Variants in SPAG9 observed in about 807,000 individuals in gnomAD.
The protein encoded by SPAG9 is sperm associated antigen 9, also known as C-Jun-amino-terminal kinase-interacting protein 4.
In SPAG9, 35 loss-of-function variants were observed where a neutral mutation model predicts 166.5. The ratio of observed to expected loss-of-function variants is 0.21; its 90% CI spans 0.16 to 0.28. The LOEUF (loss-of-function observed/expected upper bound fraction) is 0.28, where lower values mean the gene tolerates loss of function less well. Ranked by LOEUF, SPAG9 falls within the 10% of genes least tolerant of loss-of-function variation. SPAG9 has a pLI of 1.00. For missense variants in SPAG9, 1,235 were observed against 1,603.3 expected (o/e 0.77, Z 3.92); for synonymous variants, 534 against 565.5 (o/e 0.94, Z 0.79).
chr17:50,975,776 C>T, intron 27 of SPAG9: 1 of 987,044 alleles, frequency 1.0e-6, no homozygotes, highest in East Asian at 2.6e-5. Context: ...TAGGAACATT[C>T]AAGAGGGTAT....
At chr17:51,035,175 G>A (rs1261086700) in intron 5 of SPAG9, among the ~76,000 whole-genome samples, 1 of 152,106 alleles carries the variant, frequency 6.6e-6, no homozygotes, top group Admixed American at 6.6e-5. Flanking sequence ...AAGCAATATG[G>A]GATCCTGGGC....
At chr17:50,992,164 G>C (rs1975628784) in intron 19 of SPAG9, among the ~76,000 whole-genome samples, 1 of 151,688 alleles carries the variant, frequency 6.6e-6, no homozygotes, top group Admixed American at 6.6e-5. Context: ...CTGGGATTAT[G>C]AGTGTGAACC....
chr17:51,037,082 T>C (rs2046615599), intron 5 of SPAG9, among the ~76,000 whole-genome samples: 1 of 152,102 alleles, frequency 6.6e-6, no homozygotes, highest in East Asian at 1.9e-4. Flanking sequence ...CCATTCTCAG[T>C]CTTAGCCCAT....
intron 1 of SPAG9, among the ~76,000 whole-genome samples, chr17:51,097,084 T>C (rs1293278560): frequency 6.6e-6 from 1 of 152,234 alleles, no homozygotes; most frequent in East Asian, 1.9e-4. Flanking sequence ...AATGGTTTCA[T>C]ACCTACGTAG....
rs1375102289 is a variant in SPAG9, at chr17:51,088,069, T to C, written c.304-8365A>G. Among the ~76,000 whole-genome samples, 4 of 152,166 alleles carry C rather than the reference T, an allele frequency of 2.6e-5. No individual in the cohort carries two copies. In the East Asian group the frequency reaches 7.7e-4, roughly 29 times the overall value. The stretch of plus-strand genomic sequence containing the variant: ...CCTGACCCTCTTTTTAAAGTCTTCT[T>C]GATTTACTTCAAAGAAACATGTCTG... On this transcript the variant is annotated intron_variant, in intron 1 of 29. Transcript: ENST00000262013.
chr17:51,108,649 AC>A (rs1196740515), intron 1 of SPAG9, among the ~76,000 whole-genome samples: 2 of 151,536 alleles, frequency 1.3e-5, no homozygotes, highest in Non-Finnish European at 2.9e-5. Context: ...GGTGCATACC[AC>A]CACACTCGGC....
intron 9 of SPAG9, chr17:51,009,086 T>C (rs1489753303): frequency 2.3e-6 from 1 of 441,856 alleles, no homozygotes; most frequent in Non-Finnish European, 4.5e-6. Flanking sequence ...CAAGAACACC[T>C]AGCTTAAAAA....
In SPAG9 at chr17:50,963,950, C is replaced by A. The variant is rs1389692021; in HGVS notation, c.*2322G>T. ...GCAAAAAATTATTCTTTTAATACAG[C>A]TTTTACCAAAACAGTTTTAATACAT... On this transcript the variant is annotated 3_prime_UTR_variant, in exon 30 of 30. Coordinates refer to ENST00000262013, the MANE Select transcript of SPAG9 (RefSeq NM_001130528.3). The A allele has an allele frequency of 6.6e-6, 1 of 152,166 alleles. No individual in the cohort carries two copies. Among genetic ancestry groups the A allele is most frequent in the Non-Finnish European group, 1.5e-5 (1 of 68,022 alleles). The allele number at this position is 152,166 out of a possible 1,614,324, so 9.4% of individuals were successfully genotyped here.
intron 2 of SPAG9, among the ~76,000 whole-genome samples, chr17:51,061,455 C>T (rs2047512820): frequency 6.6e-6 from 1 of 151,654 alleles, no homozygotes; most frequent in Admixed American, 6.6e-5. Context: ...ACTAATACTA[C>T]AAAAATTAGC....
chr17:50,993,274 C>T lies in SPAG9; in HGVS notation c.2398+490G>A, dbSNP rs186709455. On this transcript the variant is annotated intron_variant, in intron 19 of 29. Coordinates refer to ENST00000262013, the MANE Select transcript of SPAG9 (RefSeq NM_001130528.3). ...GAGGTTGCAGTGAGCCGAGATCATG[C>T]CATTGCACTCCAGCCTGGGTGACAG... Among the ~76,000 whole-genome samples the T allele has an allele frequency of 4.8e-5, 7 of 146,678 alleles. No individual in the cohort carries two copies. The East Asian group carries it at 8.0e-4, about 17-fold the overall frequency.
At chr17:51,000,343 A>C (rs1183708148) in intron 13 of SPAG9, among the ~76,000 whole-genome samples, 1 of 152,188 alleles carries the variant, frequency 6.6e-6, no homozygotes, top group Non-Finnish European at 1.5e-5. Context: ...ACTAAATTAA[A>C]AACATTCTTT....
intron 12 of SPAG9, 97 bp downstream of exon 12, chr17:51,005,114 AT>A: frequency 1.0e-6 from 1 of 1,004,632 alleles, no homozygotes; most frequent in Non-Finnish European, 1.5e-6. Flanking sequence ...ACTTTTAAAA[AT>A]CTTTATAGTA....
At chr17:51,108,836 TA>T (rs200428411) in intron 1 of SPAG9, among the ~76,000 whole-genome samples, 9 of 152,032 alleles carry the variant, frequency 5.9e-5, no homozygotes, top group African/African-American at 1.9e-4. Flanking sequence ...TATTTATTTT[TA>T]TTTTTTTTTG....
At position 51,090,489 on chromosome 17, in the gene SPAG9, G is replaced by A. The variant is rs1358296346; in HGVS notation, c.304-10785C>T. ...TGAGCCGAGTCCAGCCTGGGCAACA[G>A]AGCAAGACTCCATCTCAAAAAAAAA... On this transcript the variant is annotated intron_variant, in intron 1 of 29. Coordinates refer to ENST00000262013, the MANE Select transcript of SPAG9 (RefSeq NM_001130528.3). Among the ~76,000 whole-genome samples the A allele has an allele frequency of 2.0e-5, 3 of 152,024 alleles. No individual in the cohort carries two copies. The East Asian group carries it at 5.8e-4, about 29-fold the overall frequency.
intron 1 of SPAG9, among the ~76,000 whole-genome samples, chr17:51,091,091 C>T (rs1168934818): frequency 1.3e-5 from 2 of 151,366 alleles, no homozygotes; most frequent in African/African-American, 2.4e-5. Context: ...ACTCTGTCTC[C>T]ACGAAACCCT....
chr17:51,004,440 A>G (rs955132393), intron 12 of SPAG9, among the ~76,000 whole-genome samples: 1 of 152,228 alleles, frequency 6.6e-6, no homozygotes. Flanking sequence ...AACATTTGTT[A>G]TAAGAATGAT....
intron 19 of SPAG9, among the ~76,000 whole-genome samples, chr17:50,993,095 C>CAAA (rs71149332): frequency 4.0e-5 from 3 of 75,576 alleles, no homozygotes; most frequent in Non-Finnish European, 5.1e-5. Flanking sequence ...GACTCCATCT[C>CAAA]AAAAAAAAAA....
At chr17:51,102,500 T>C (rs914177841) in intron 1 of SPAG9, among the ~76,000 whole-genome samples, 16 of 151,840 alleles carry the variant, frequency 1.1e-4, no homozygotes, top group Non-Finnish European at 1.6e-4. Flanking sequence ...TCTTCATTTG[T>C]ATGGAAATTT....
At chr17:51,107,447 G>A (rs2048984493) in intron 1 of SPAG9, among the ~76,000 whole-genome samples, 1 of 151,206 alleles carries the variant, frequency 6.6e-6, no homozygotes, top group South Asian at 2.1e-4. Context: ...ACACTTTAAA[G>A]GGCAATAATA....
Sources: gnomAD v4.1 joint callset for allele counts (sites outside exome capture counted in the v4.1 genomes callset) on GRCh38, gnomAD v4.1.1 for gene constraint, MANE v1.5 for transcripts, NCBI Gene and HGNC (gene_info 2026-07-23, HGNC 2026-07-21) for gene names.